Variants in RPA2 observed in about 807,000 individuals in gnomAD.
RPA2 encodes the protein replication protein A 32 kDa subunit.
RPA2 carries 22 observed loss-of-function variants against 33.4 expected under a neutral mutation model. That is an observed-to-expected ratio of 0.66 (90% CI 0.47 to 0.94). The LOEUF (loss-of-function observed/expected upper bound fraction) is 0.94. Among genes scored for constraint, RPA2 ranks in the 40% least tolerant of loss-of-function variants. The pLI, the probability that RPA2 is intolerant of heterozygous loss-of-function variation, is 0.00. For missense variants in RPA2, 279 were observed against 329.9 expected (o/e 0.85, Z 1.19); for synonymous variants, 109 against 114.9 (o/e 0.95, Z 0.33).
chr1:27,904,854 G>A (rs2090009155), intron 4 of RPA2, among the ~76,000 whole-genome samples: 1 of 152,036 alleles, frequency 6.6e-6, no homozygotes, highest in Admixed American at 6.6e-5. Flanking sequence ...GTTTCATCAC[G>A]TTGGCCAGGC....
intron 5 of RPA2, 132 bp from the exon 6 acceptor site, chr1:27,897,253 G>C (rs1316687391): frequency 3.2e-6 from 2 of 622,714 alleles, no homozygotes; most frequent in African/African-American, 3.7e-5. Context: ...TACTCTCAGA[G>C]GTATTCCAAA....
chr1:27,895,485 A>T (rs28905181), intron 6 of RPA2, among the ~76,000 whole-genome samples: 32 of 152,080 alleles, frequency 2.1e-4, no homozygotes, highest in Non-Finnish European at 4.4e-4. Flanking sequence ...GGAGGCTGAG[A>T]CGGGCAGATC....
chr1:27,900,061 C>G (rs4394679), intron 4 of RPA2, among the ~76,000 whole-genome samples: 150,701 of 152,280 alleles, frequency 0.99, 74,573 homozygotes, highest in Middle Eastern at 1. Flanking sequence ...CACCCGCCTC[C>G]GCCTCCCAAA....
chr1:27,893,914 G>T, intron 8 of RPA2, 98 bp downstream of exon 8: 1 of 1,053,622 alleles, frequency 9.5e-7, no homozygotes, highest in South Asian at 1.4e-5. Flanking sequence ...CGGCTGCCAA[G>T]TTTTACTTTT....
At position 27,891,909 on chromosome 1, in the gene RPA2, A is replaced by G; in HGVS notation, c.*254T>C. The G allele has an allele frequency of 2.2e-6, 1 of 452,226 alleles. No homozygotes were observed. Among genetic ancestry groups the G allele is most frequent in the Admixed American group, 3.5e-5 (1 of 28,408 alleles). The allele number at this position is 452,226 out of a possible 1,614,324, so 28.0% of individuals were successfully genotyped here. On this transcript the variant is annotated 3_prime_UTR_variant, in exon 9 of 9. Coordinates refer to ENST00000373912, the MANE Select transcript of RPA2 (RefSeq NM_002946.5). The stretch of plus-strand genomic sequence containing the variant: ...ATTCCATCTATCTTGATGTTGTAAC[A>G]AGCTTATTTGTAACTTCCTCAAGAA...
At chr1:27,894,234 C>T in intron 7 of RPA2, 56 bp downstream of exon 7, 2 of 1,564,850 alleles carry the variant, frequency 1.3e-6, no homozygotes, top group East Asian at 2.2e-5. Context: ...AAGGAAGTAA[C>T]AAAATTTAAG....
intron 4 of RPA2, among the ~76,000 whole-genome samples, chr1:27,906,378 CCAAA>C (rs778145266): frequency 4.5e-4 from 67 of 150,534 alleles, no homozygotes; most frequent in East Asian, 1.6e-3. Flanking sequence ...AAAAAAAAAA[CCAAA>C]CAAACAAACA....
chr1:27,909,066 G>GAA (rs1003916509), intron 2 of RPA2, among the ~76,000 whole-genome samples: 1 of 152,096 alleles, frequency 6.6e-6, no homozygotes, highest in African/African-American at 2.4e-5. Flanking sequence ...TTTCAACAGC[G>GAA]AAAAAGTAGC....
At chr1:27,904,278 C>CT (rs1475976219) in intron 4 of RPA2, among the ~76,000 whole-genome samples, 1 of 152,140 alleles carries the variant, frequency 6.6e-6, no homozygotes, top group East Asian at 1.9e-4. Context: ...ATGTGGACAC[C>CT]TGTATGTACA....
chr1:27,913,086 G>A (rs1435683228), intron 2 of RPA2, among the ~76,000 whole-genome samples: 2 of 151,902 alleles, frequency 1.3e-5, no homozygotes, highest in African/African-American at 2.4e-5. Context: ...CCTAGTAGCT[G>A]GGATTACAGG....
intron 4 of RPA2, among the ~76,000 whole-genome samples, chr1:27,899,837 C>T (rs970455023): frequency 2.6e-5 from 4 of 151,492 alleles, no homozygotes; most frequent in Non-Finnish European, 4.4e-5. Flanking sequence ...CCCGCCACCA[C>T]GCCCGGCTAA....
At chr1:27,901,008 A>G (rs536141265) in intron 4 of RPA2, among the ~76,000 whole-genome samples, 1 of 152,310 alleles carries the variant, frequency 6.6e-6, no homozygotes, top group East Asian at 1.9e-4. Context: ...TGCTGTGAAC[A>G]TTGTTAAAAC....
rs188093487 is a variant in RPA2, at chr1:27,895,017, T to C, written c.526-620A>G. Among the ~76,000 whole-genome samples, 5 of 152,288 alleles carry C rather than the reference T, an allele frequency of 3.3e-5. No individual in the cohort carries two copies. In the East Asian group the frequency reaches 9.7e-4, roughly 29 times the overall value. On this transcript the variant is annotated intron_variant, in intron 6 of 8. Coordinates refer to ENST00000373912, the MANE Select transcript of RPA2 (RefSeq NM_002946.5). ...TACTTGACCTCTCGGAAGCAGACAC[T>C]GCTGACCACACTCCTCTTGAAATGT...
At chr1:27,893,956 G>C in intron 8 of RPA2, 56 bp downstream of exon 8, 2 of 1,451,010 alleles carry the variant, frequency 1.4e-6, no homozygotes, top group East Asian at 4.6e-5. Flanking sequence ...GGAAACCCTT[G>C]TGAGGTGAAA....
chr1:27,901,491 T>C (rs1220367521), intron 4 of RPA2, among the ~76,000 whole-genome samples: 2 of 151,872 alleles, frequency 1.3e-5, no homozygotes, highest in Non-Finnish European at 2.9e-5. Flanking sequence ...GCCTCCCAAG[T>C]AGCTGGCATT....
chr1:27,907,875 T>C (rs1557473280), intron 2 of RPA2, among the ~76,000 whole-genome samples: 2 of 152,154 alleles, frequency 1.3e-5, no homozygotes, highest in Non-Finnish European at 2.9e-5. Context: ...TGAGACAGAG[T>C]TTCGCTCCTG....
At chr1:27,893,731 C>T (rs190392267) in intron 8 of RPA2, among the ~76,000 whole-genome samples, 6 of 151,556 alleles carry the variant, frequency 4.0e-5, no homozygotes, top group East Asian at 3.9e-4. Context: ...CCTTAGCCTC[C>T]GGAGTGGCCG....
chr1:27,894,317 T>A lies in RPA2; in HGVS notation c.606A>T (p.Ala202=), dbSNP rs2089863090. 1 of 1,614,180 alleles carries A rather than the reference T, an allele frequency of 6.2e-7. No homozygotes were observed. The change falls in exon 7 of 9, where the codon GCA becomes GCT. Residue 202 remains alanine, a synonymous_variant. Coordinates refer to ENST00000373912, the MANE Select transcript of RPA2 (RefSeq NM_002946.5). ...GNFGGNSFMP[A]NGLTVAQNQV... is the part of the protein sequence containing the mutation. ...GGTTTTGGGCCACAGTGAGGCCATTTGCTGGCATGAAGCTATTCCCACCAA... is the reference window on the plus strand; with the variant it reads ...GGTTTTGGGCCACAGTGAGGCCATTAGCTGGCATGAAGCTATTCCCACCAA...
chr1:27,894,442 T>TAA (rs1375852387), intron 6 of RPA2, 45 bp from the exon 7 acceptor site: 1 of 1,525,706 alleles, frequency 6.6e-7, no homozygotes, highest in Non-Finnish European at 9.0e-7. Context: ...TCCATCAAGT[T>TAA]AAACAGTCTT....
Sources: gnomAD v4.1 joint callset for allele counts (sites outside exome capture counted in the v4.1 genomes callset) on GRCh38, gnomAD v4.1.1 for gene constraint, MANE v1.5 for transcripts, NCBI Gene and HGNC (gene_info 2026-07-23, HGNC 2026-07-21) for gene names.